Variants in ANO6 observed in about 807,000 individuals in gnomAD.
ANO6 encodes anoctamin-6.
ANO6 carries 106 observed loss-of-function variants against 117.5 expected under a neutral mutation model. The ratio of observed to expected loss-of-function variants is 0.90; its 90% CI spans 0.77 to 1.06. The LOEUF is 1.06. Ranked by LOEUF, ANO6 falls within the 50% of genes least tolerant of loss-of-function variation. The probability of loss-of-function intolerance (pLI) is 0.00; values close to 1 mark genes in which losing one functional copy is unlikely to be tolerated. For synonymous variants in ANO6, 367 were observed against 385.1 expected, an observed-to-expected ratio of 0.95 and a Z score of 0.55; for missense variants, 955 against 1,121.1, an observed-to-expected ratio of 0.85 and a Z score of 2.12.
chr12:45,299,798 G>C (rs1042927323), intron 1 of ANO6, among the ~76,000 whole-genome samples: 1 of 152,078 alleles, frequency 6.6e-6, no homozygotes, highest in African/African-American at 2.4e-5. Context: ...GTTGCAGTGA[G>C]CCCAGATTGC....
At chr12:45,276,818 TC>T (rs939564916) in intron 1 of ANO6, among the ~76,000 whole-genome samples, 1 of 152,196 alleles carries the variant, frequency 6.6e-6, no homozygotes, top group African/African-American at 2.4e-5. Context: ...TGCCATGAGC[TC>T]CCCGCCTTTT....
chr12:45,227,084 G>A (rs1013569695), intron 1 of ANO6, among the ~76,000 whole-genome samples: 1 of 150,690 alleles, frequency 6.6e-6, no homozygotes, highest in Non-Finnish European at 1.5e-5. Context: ...TGCCTCCTGG[G>A]TTCAAGCTAT....
chr12:45,299,481 T>A (rs1269467116), intron 1 of ANO6, among the ~76,000 whole-genome samples: 1 of 152,256 alleles, frequency 6.6e-6, no homozygotes, highest in Non-Finnish European at 1.5e-5. Context: ...TGTACTGTCA[T>A]TTCTACTGGC....
chr12:45,408,511 C>T (rs549085570), intron 15 of ANO6, among the ~76,000 whole-genome samples: 1 of 152,192 alleles, frequency 6.6e-6, no homozygotes, highest in African/African-American at 2.4e-5. Context: ...CTCAGCGGGG[C>T]AGTATCCACG....
At chr12:45,254,912 T>C (rs1452527569) in intron 1 of ANO6, among the ~76,000 whole-genome samples, 1 of 152,230 alleles carries the variant, frequency 6.6e-6, no homozygotes, top group Non-Finnish European at 1.5e-5. Flanking sequence ...ATGAAAAAAA[T>C]CACATTTTTA....
intron 8 of ANO6, 33 bp downstream of exon 8, chr12:45,357,457 A>T: frequency 6.2e-7 from 1 of 1,612,284 alleles, no homozygotes; most frequent in Non-Finnish European, 8.5e-7. Flanking sequence ...TGCCATGCTG[A>T]AAAGTTTATT....
chr12:45,356,808 G>A (rs1035152584), intron 7 of ANO6, among the ~76,000 whole-genome samples: 3 of 152,130 alleles, frequency 2.0e-5, no homozygotes, highest in African/African-American at 4.8e-5. Flanking sequence ...AAGTGGATCC[G>A]TACAGTTCAA....
intron 1 of ANO6, among the ~76,000 whole-genome samples, chr12:45,274,820 C>T (rs984570818): frequency 6.8e-6 from 1 of 147,404 alleles, no homozygotes. Context: ...CACCCTCTGT[C>T]ACCTCCCAAC....
intron 8 of ANO6, 47 bp downstream of exon 8, chr12:45,357,471 C>A (rs777609327): frequency 3.7e-6 from 6 of 1,608,196 alleles, no homozygotes; most frequent in Non-Finnish European, 5.1e-6. Flanking sequence ...GTTTATTAGA[C>A]ATAAAATTAT....
intron 3 of ANO6, among the ~76,000 whole-genome samples, chr12:45,345,490 G>A (rs1315856965): frequency 1.3e-5 from 2 of 152,246 alleles, no homozygotes; most frequent in East Asian, 1.9e-4. Context: ...CCTGGACCTA[G>A]CAGTTCCTCT....
Position 45,416,981 on chromosome 12 carries a change from G to A in ANO6, c.2217+77G>A. On this transcript the variant is annotated intron_variant, in intron 17 of 19. Coordinates refer to ENST00000320560, the MANE Select transcript of ANO6 (RefSeq NM_001025356.3). ...TGCTACCTAAGGAATCAAATGTTTAGTGTTTTTTAAAATGAGAGGAAGATG... is the reference window on the plus strand; with the variant it reads ...TGCTACCTAAGGAATCAAATGTTTAATGTTTTTTAAAATGAGAGGAAGATG... 4.1e-6 allele frequency: 6 copies of A among 1,462,560 alleles called. No homozygotes were observed. In the African/African-American group the frequency reaches 8.4e-5, roughly 20 times the overall value. The allele number at this position is 1,462,560 out of a possible 1,614,324, so 90.6% of individuals were successfully genotyped here.
intron 1 of ANO6, among the ~76,000 whole-genome samples, chr12:45,257,636 C>CCCCA (rs1592882644): frequency 1.3e-5 from 2 of 152,200 alleles, no homozygotes; most frequent in African/African-American, 4.8e-5. Context: ...TCCCTGCCCT[C>CCCCA]CCCACCACAC....
At chr12:45,266,312 T>G (rs754877457) in intron 1 of ANO6, among the ~76,000 whole-genome samples, 4 of 152,138 alleles carry the variant, frequency 2.6e-5, no homozygotes, top group Admixed American at 6.5e-5. Flanking sequence ...ATTCATAAAT[T>G]TGTAAAAATC....
At chr12:45,225,183 C>CA (rs34523402) in intron 1 of ANO6, among the ~76,000 whole-genome samples, 12,857 of 72,998 alleles carry the variant, frequency 0.18, 884 homozygotes, top group East Asian at 0.4. Flanking sequence ...GACCCTGTCT[C>CA]AAAAAAAAAA....
Position 45,425,841 on chromosome 12 carries a change from C to A in ANO6, c.2526+2779C>A, listed in dbSNP as rs1032791390. Among the ~76,000 whole-genome samples, 7 of 152,174 alleles carry A rather than the reference C, an allele frequency of 4.6e-5. No homozygotes were observed. In the South Asian group the frequency reaches 1.0e-3, roughly 22 times the overall value. On this transcript the variant is annotated intron_variant, in intron 19 of 19. Coordinates refer to ENST00000320560, the MANE Select transcript of ANO6 (RefSeq NM_001025356.3). ...AAAGGAAAATGAAGCCAACCCTATT[C>A]ATTACATAGATGCAAAGATCTTTCT...
chr12:45,334,873 C>G (rs1182172671), intron 3 of ANO6, among the ~76,000 whole-genome samples: 1 of 152,004 alleles, frequency 6.6e-6, no homozygotes, highest in African/African-American at 2.4e-5. Context: ...TTAGTAATTG[C>G]TGCTTTCTTC....
intron 1 of ANO6, among the ~76,000 whole-genome samples, chr12:45,244,216 A>G (rs1259303415): frequency 6.6e-6 from 1 of 152,152 alleles, no homozygotes; most frequent in Non-Finnish European, 1.5e-5. Context: ...GAATAAGTGA[A>G]AGTTTTCACA....
chr12:45,317,973 G>C (rs1387316433), intron 2 of ANO6, among the ~76,000 whole-genome samples: 2 of 152,038 alleles, frequency 1.3e-5, no homozygotes, highest in African/African-American at 4.8e-5. Context: ...GGGGTTGTTT[G>C]TTTGTTTTCT....
chr12:45,321,435 A>G (rs1363231811), intron 2 of ANO6, among the ~76,000 whole-genome samples: 5 of 152,162 alleles, frequency 3.3e-5, no homozygotes, highest in African/African-American at 9.7e-5. Context: ...AGATTTTACA[A>G]ATGTTTATTC....
Sources: allele counts gnomAD v4.1 joint callset (sites outside exome capture counted in the v4.1 genomes callset), GRCh38; gene constraint gnomAD v4.1.1; transcripts MANE v1.5; gene names NCBI Gene and HGNC (gene_info 2026-07-23, HGNC 2026-07-21).